The following MCTP1 variants were observed in gnomAD, a reference collection of about 807,000 sequenced individuals.
MCTP1 encodes the protein multiple C2 and transmembrane domain containing 1.
In MCTP1, 69 loss-of-function variants were observed where a neutral mutation model predicts 120.6. That is an observed-to-expected ratio of 0.57 (90% CI 0.47 to 0.70). The LOEUF is 0.70. MCTP1 is among the 30% of genes least tolerant of loss of function. The pLI, the probability that MCTP1 is intolerant of heterozygous loss-of-function variation, is 0.00. For missense variants in MCTP1, 1,203 were observed against 1,248.8 expected, an observed-to-expected ratio of 0.96 and a Z score of 0.55; for synonymous variants, 529 against 493.1, an observed-to-expected ratio of 1.07 and a Z score of -0.96.
chr5:95,229,320 TGAACTATATCCCA>T (rs1754648763), intron 1 of MCTP1, among the ~76,000 whole-genome samples: 1 of 152,206 alleles, frequency 6.6e-6, no homozygotes, highest in African/African-American at 2.4e-5. Context: ...AAAACACTAA[TGAACTATATCCCA>T]GATAGTGACC....
At chr5:95,099,733 G>C (rs1490660573) in intron 1 of MCTP1, among the ~76,000 whole-genome samples, 2 of 151,578 alleles carry the variant, frequency 1.3e-5, no homozygotes, top group Non-Finnish European at 2.9e-5. Context: ...CAGGGATCTA[G>C]AACTAGAAAT....
At chr5:94,856,136 T>G (rs1794691176) in intron 17 of MCTP1, among the ~76,000 whole-genome samples, 1 of 151,774 alleles carries the variant, frequency 6.6e-6, no homozygotes. Context: ...CTATGACATT[T>G]TTATTAACTC....
At chr5:95,064,464 T>A (rs911253249) in intron 1 of MCTP1, among the ~76,000 whole-genome samples, 1 of 152,200 alleles carries the variant, frequency 6.6e-6, no homozygotes, top group African/African-American at 2.4e-5. Context: ...ATACCCAATT[T>A]TAGTAACCCT....
intron 1 of MCTP1, among the ~76,000 whole-genome samples, chr5:95,099,616 G>A (rs1450539157): frequency 6.8e-6 from 1 of 147,448 alleles, no homozygotes; most frequent in Non-Finnish European, 1.5e-5. Flanking sequence ...TAAAAAGTCA[G>A]GAAACAACAG....
intron 18 of MCTP1, among the ~76,000 whole-genome samples, chr5:94,791,132 AAG>A (rs1778852516): frequency 1.3e-5 from 2 of 149,626 alleles, no homozygotes; most frequent in African/African-American, 4.9e-5. Context: ...AAAAAAAAAA[AAG>A]AAAAAAATAC....
intron 1 of MCTP1, among the ~76,000 whole-genome samples, chr5:95,163,197 G>A (rs1331884632): frequency 1.3e-5 from 2 of 152,116 alleles, no homozygotes; most frequent in African/African-American, 2.4e-5. Flanking sequence ...TGTCAGAAAA[G>A]CCAGGGTTTG....
chr5:94,946,511 C>A (rs1489668188), intron 3 of MCTP1, among the ~76,000 whole-genome samples: 3 of 152,108 alleles, frequency 2.0e-5, no homozygotes, highest in Non-Finnish European at 4.4e-5. Context: ...TTTGGAAAAT[C>A]CTCAACTAAT....
intron 19 of MCTP1, among the ~76,000 whole-genome samples, chr5:94,730,924 ACACACACACACTC>A (rs1197328356): frequency 2.5e-4 from 2 of 7,908 alleles, no homozygotes; most frequent in Admixed American, 8.3e-4. Context: ...AACACACTCC[ACACACACACACTC>A]CACACACACA....
At chr5:95,029,135 G>A (rs1039735835) in intron 1 of MCTP1, among the ~76,000 whole-genome samples, 8 of 138,464 alleles carry the variant, frequency 5.8e-5, no homozygotes, top group Non-Finnish European at 1.2e-4. Context: ...CAGCCTGGGT[G>A]ACAGAGCGAG....
At chr5:94,994,603 G>C (rs142161034) in intron 2 of MCTP1, among the ~76,000 whole-genome samples, 3 of 152,188 alleles carry the variant, frequency 2.0e-5, no homozygotes, top group Non-Finnish European at 2.9e-5. Context: ...ATTATCTGTA[G>C]TGTGTGTATG....
chr5:94,993,338 T>A (rs1831979025), intron 2 of MCTP1, among the ~76,000 whole-genome samples: 1 of 152,164 alleles, frequency 6.6e-6, no homozygotes, highest in African/African-American at 2.4e-5. Flanking sequence ...TCTACACGTA[T>A]TCACAGTGGA....
intron 1 of MCTP1, among the ~76,000 whole-genome samples, chr5:95,256,615 T>G (rs1242869967): frequency 6.6e-6 from 1 of 152,220 alleles, no homozygotes; most frequent in Admixed American, 6.5e-5. Context: ...TCTTAGCTCT[T>G]CCACAGCTGT....
rs527749386 is a variant in MCTP1, at chr5:95,180,942, G to T, written c.720+102914C>A. Among the ~76,000 whole-genome samples, 169 of 152,030 alleles carry T rather than the reference G, an allele frequency of 1.1e-3. 2 individuals carry two copies. The highest frequency in any genetic ancestry group is 3.8e-3 in the African/African-American group (157 of 41,470). On this transcript the variant is annotated intron_variant, in intron 1 of 22. Transcript: ENST00000515393. ...CAGCCCATACCTAATCTATCAGTTT[G>T]CTCAGTTTGGTCTTCAGGATATACC...
intron 19 of MCTP1, among the ~76,000 whole-genome samples, chr5:94,770,982 T>C (rs1177991387): frequency 6.6e-6 from 1 of 152,168 alleles, no homozygotes; most frequent in Non-Finnish European, 1.5e-5. Context: ...TGAAAAGCCA[T>C]AGTCAAATGG....
intron 1 of MCTP1, among the ~76,000 whole-genome samples, chr5:95,037,097 A>T (rs891098094): frequency 1.1e-4 from 17 of 152,206 alleles, no homozygotes; most frequent in Admixed American, 7.9e-4. Context: ...CATGGCAGTA[A>T]ATCAGAAGTC....
chr5:95,214,529 G>T (rs1157589357), intron 1 of MCTP1, among the ~76,000 whole-genome samples: 1 of 152,112 alleles, frequency 6.6e-6, no homozygotes, highest in African/African-American at 2.4e-5. Context: ...ATACCCAAAG[G>T]ATTATAAATC....
At chr5:94,827,558 A>G (rs1296965253) in intron 17 of MCTP1, among the ~76,000 whole-genome samples, 2 of 151,926 alleles carry the variant, frequency 1.3e-5, no homozygotes, top group Non-Finnish European at 2.9e-5. Context: ...CCCGAAGTGT[A>G]TTTTCCAACT....
At chr5:95,265,588 A>C (rs1758819051) in intron 1 of MCTP1, among the ~76,000 whole-genome samples, 1 of 152,234 alleles carries the variant, frequency 6.6e-6, no homozygotes, top group South Asian at 2.1e-4. Flanking sequence ...GAGAGCTGAG[A>C]GTACACTACT....
intron 3 of MCTP1, among the ~76,000 whole-genome samples, chr5:94,945,839 G>A (rs555673127): frequency 6.6e-6 from 1 of 152,340 alleles, no homozygotes; most frequent in Admixed American, 6.5e-5. Flanking sequence ...TCCATGATGA[G>A]GAAAGTGTCT....
Sources: gnomAD v4.1 joint callset for allele counts (sites outside exome capture counted in the v4.1 genomes callset) on GRCh38, gnomAD v4.1.1 for gene constraint, MANE v1.5 for transcripts, NCBI Gene and HGNC (gene_info 2026-07-23, HGNC 2026-07-21) for gene names.